ABCB1: variants seen among roughly 807,000 people sequenced by gnomAD.
ABCB1 encodes ATP binding cassette subfamily B member 1.
A neutral mutation model predicts 142.0 loss-of-function variants in ABCB1; 69 were observed. That is an observed-to-expected ratio of 0.49 (90% CI 0.40 to 0.59). ABCB1 has a LOEUF of 0.59. Ranked by LOEUF, ABCB1 falls within the 20% of genes least tolerant of loss-of-function variation. The pLI, the probability that ABCB1 is intolerant of heterozygous loss-of-function variation, is 0.00. For synonymous variants in ABCB1, 532 were observed against 539.2 expected (o/e 0.99, Z 0.18); for missense variants, 1,326 against 1,554.7 (o/e 0.85, Z 2.47).
rs1285942204 is a variant in ABCB1, at chr7:87,505,953, G to T, written c.3580C>A (p.Pro1194Thr). The T allele has an allele frequency of 6.2e-7, 1 of 1,613,994 alleles. No homozygotes were observed. Among genetic ancestry groups the T allele is most frequent in the Non-Finnish European group, 8.5e-7 (1 of 1,180,020 alleles). ...IAIARALVRQ[P>T]HILLLDEATS... ...GCTTCATCCAAAAGCAAAATATGAGGCTGTCTAACAAGGGCACGAGCTATG... is the reference window on the plus strand; with the variant it reads ...GCTTCATCCAAAAGCAAAATATGAGTCTGTCTAACAAGGGCACGAGCTATG... Residue 1194 changes from proline to threonine, a missense_variant, in exon 27 of 28, where the codon CCT becomes ACT. Pro to Thr is a conservative substitution (Grantham distance 38). Transcript: ENST00000622132.
At chr7:87,671,706 C>T (rs1825839965) in intron 1 of ABCB1, among the ~76,000 whole-genome samples, 1 of 152,112 alleles carries the variant, frequency 6.6e-6, no homozygotes, top group Non-Finnish European at 1.5e-5. Context: ...AGATTGAGGA[C>T]CCACTTAAAA....
intron 1 of ABCB1, among the ~76,000 whole-genome samples, chr7:87,626,112 G>GTCATATATAT (rs1402926646): frequency 6.3e-5 from 8 of 126,680 alleles, no homozygotes; most frequent in African/African-American, 2.0e-4. Context: ...TCATATATAT[G>GTCATATATAT]TGTCATATAT....
chr7:87,588,937 A>G (rs887236253), intron 3 of ABCB1, among the ~76,000 whole-genome samples: 1 of 152,178 alleles, frequency 6.6e-6, no homozygotes, highest in African/African-American at 2.4e-5. Context: ...ATTGTTGGCC[A>G]CATGTCTTTT....
chr7:87,563,988 GA>G (rs1315838332), intron 7 of ABCB1: 2 of 253,808 alleles, frequency 7.9e-6, no homozygotes, highest in Admixed American at 5.1e-5. Flanking sequence ...ACATAGAGGG[GA>G]ACAACACACA....
chr7:87,592,808 A>G lies in ABCB1; in HGVS notation c.117+2958T>C, dbSNP rs1379946199. Among the ~76,000 whole-genome samples, 7 of 152,230 alleles carry G rather than the reference A, an allele frequency of 4.6e-5. No individual in the cohort carries two copies. In the East Asian group the frequency reaches 1.3e-3, roughly 29 times the overall value. ...ATTTAACAAATGCCTGGTACAAGGG[A>G]AACACTTAACATTGTTAGGTATTAT... is the stretch of plus-strand genomic sequence containing the variant. On this transcript the variant is annotated intron_variant, in intron 3 of 27. Coordinates refer to ENST00000622132, the MANE Select transcript of ABCB1 (RefSeq NM_001348946.2).
intron 1 of ABCB1, among the ~76,000 whole-genome samples, chr7:87,680,291 G>A (rs1288002340): frequency 2.0e-5 from 3 of 150,588 alleles, no homozygotes; most frequent in Admixed American, 6.6e-5. Context: ...AGACATTTGG[G>A]TTGGTTCCAA....
intron 3 of ABCB1, 133 bp from the exon 4 acceptor site, chr7:87,585,813 C>A (rs2129927525): frequency 2.4e-6 from 2 of 842,832 alleles, no homozygotes; most frequent in East Asian, 2.7e-5. Context: ...GTCCAAGACA[C>A]CCTCTACCTT....
intron 5 of ABCB1, among the ~76,000 whole-genome samples, chr7:87,568,439 T>A (rs1817887622): frequency 6.6e-6 from 1 of 151,794 alleles, no homozygotes; most frequent in Non-Finnish European, 1.5e-5. Context: ...AAACAATTCT[T>A]GGGCTTCACT....
intron 1 of ABCB1, among the ~76,000 whole-genome samples, chr7:87,626,091 T>TC (rs368542374): frequency 8.4e-5 from 8 of 95,794 alleles, no homozygotes; most frequent in African/African-American, 3.2e-4. Context: ...TATATATATA[T>TC]ATATATATTG....
At chr7:87,685,494 C>T (rs79583886) in intron 1 of ABCB1, among the ~76,000 whole-genome samples, 4,763 of 150,838 alleles carry the variant, frequency 0.032, 73 homozygotes, top group Middle Eastern at 0.048. Context: ...ACTGGACAAA[C>T]TCAGTAATAA....
chr7:87,689,683 G>T (rs1348660683), intron 1 of ABCB1, among the ~76,000 whole-genome samples: 1 of 151,820 alleles, frequency 6.6e-6, no homozygotes, highest in Non-Finnish European at 1.5e-5. Flanking sequence ...ATTTTAGGAG[G>T]GTATCATAAT....
At chr7:87,559,844 T>G (rs1219431670) in intron 8 of ABCB1, among the ~76,000 whole-genome samples, 1 of 152,184 alleles carries the variant, frequency 6.6e-6, no homozygotes, top group Admixed American at 6.5e-5. Flanking sequence ...GAAGAAGCTG[T>G]TAAGTTTTGT....
At chr7:87,594,878 C>T (rs933640808) in intron 3 of ABCB1, among the ~76,000 whole-genome samples, 4 of 152,054 alleles carry the variant, frequency 2.6e-5, no homozygotes, top group Admixed American at 1.3e-4. Flanking sequence ...CTATCCACTC[C>T]CTTACCTTAA....
intron 27 of ABCB1, among the ~76,000 whole-genome samples, 184 bp from the exon 28 acceptor site, chr7:87,504,633 A>G (rs182850715): frequency 3.6e-4 from 55 of 152,150 alleles, no homozygotes; most frequent in African/African-American, 4.6e-4. Context: ...GTGAAACCCC[A>G]TCTCTATCAA....
chr7:87,612,265 A>G (rs779380407), intron 1 of ABCB1, among the ~76,000 whole-genome samples: 16 of 152,096 alleles, frequency 1.1e-4, no homozygotes, highest in African/African-American at 3.4e-4. Flanking sequence ...TTTTAGTTTA[A>G]TTAGGTACAA....
intron 1 of ABCB1, among the ~76,000 whole-genome samples, chr7:87,655,906 G>T (rs1194542633): frequency 6.6e-6 from 1 of 151,974 alleles, no homozygotes; most frequent in East Asian, 1.9e-4. Context: ...GAGGGAGTTT[G>T]TCCTTTTTTG....
chr7:87,515,598 T>A (rs1441092690), intron 24 of ABCB1, among the ~76,000 whole-genome samples, 170 bp from the exon 25 acceptor site: 3 of 152,004 alleles, frequency 2.0e-5, no homozygotes, highest in African/African-American at 7.2e-5. Flanking sequence ...TTATTTATTT[T>A]TTATTTTTTT....
chr7:87,633,095 T>C (rs896116987), intron 1 of ABCB1, among the ~76,000 whole-genome samples: 2 of 152,214 alleles, frequency 1.3e-5, no homozygotes, highest in African/African-American at 4.8e-5. Flanking sequence ...TATTTCAAAT[T>C]ACATTAGCAC....
intron 1 of ABCB1, among the ~76,000 whole-genome samples, chr7:87,659,728 A>G (rs568644270): frequency 3.3e-5 from 5 of 152,296 alleles, no homozygotes; most frequent in African/African-American, 1.2e-4. Flanking sequence ...CTGCTGTGTC[A>G]TTCTCTGGGT....
Sources: gnomAD v4.1 joint callset for allele counts (sites outside exome capture counted in the v4.1 genomes callset) on GRCh38, gnomAD v4.1.1 for gene constraint, MANE v1.5 for transcripts, NCBI Gene and HGNC (gene_info 2026-07-23, HGNC 2026-07-21) for gene names.